TAOK3: variants seen among roughly 807,000 people sequenced by gnomAD.
TAOK3 encodes serine/threonine-protein kinase TAO3.
TAOK3 carries 40 observed loss-of-function variants against 120.4 expected under a neutral mutation model. The ratio of observed to expected loss-of-function variants is 0.33; its 90% confidence interval spans 0.26 to 0.43. The LOEUF (loss-of-function observed/expected upper bound fraction) is 0.43. TAOK3 is among the 20% of genes least tolerant of loss of function. The pLI is 1.00. For synonymous variants in TAOK3, 355 were observed against 387.5 expected (o/e 0.92, Z 0.99); for missense variants, 821 against 1,112.1 (o/e 0.74, Z 3.72).
intron 1 of TAOK3, among the ~76,000 whole-genome samples, chr12:118,323,977 G>A (rs1286933877): frequency 1.3e-5 from 2 of 152,118 alleles, no homozygotes; most frequent in Non-Finnish European, 2.9e-5. Flanking sequence ...AATGCTATAC[G>A]AAGGAAGTAC....
intron 14 of TAOK3, among the ~76,000 whole-genome samples, chr12:118,182,617 A>T (rs1300105767): frequency 1.2e-4 from 11 of 89,754 alleles, no homozygotes; most frequent in Admixed American, 4.7e-4. Flanking sequence ...ATATATATAT[A>T]TATATATTTT....
intron 1 of TAOK3, among the ~76,000 whole-genome samples, chr12:118,327,627 A>C (rs536433727): frequency 6.6e-6 from 1 of 152,322 alleles, no homozygotes. Flanking sequence ...CTCAAACTCA[A>C]GTTTCCTTTC....
At chr12:118,324,797 T>C (rs533805497) in intron 1 of TAOK3, among the ~76,000 whole-genome samples, 105 of 134,568 alleles carry the variant, frequency 7.8e-4, no homozygotes, top group African/African-American at 2.9e-3. Context: ...CAGGCTGGAG[T>C]GCAGTGGCGC....
At chr12:118,250,761 C>T (rs963699123) in intron 3 of TAOK3, among the ~76,000 whole-genome samples, 6 of 152,060 alleles carry the variant, frequency 3.9e-5, no homozygotes, top group East Asian at 1.9e-4. Context: ...CTGATATGTG[C>T]CACAAAGAAG....
At chr12:118,286,427 C>T (rs2042267600) in intron 1 of TAOK3, among the ~76,000 whole-genome samples, 1 of 151,916 alleles carries the variant, frequency 6.6e-6, no homozygotes, top group Non-Finnish European at 1.5e-5. Context: ...CATGAATAGA[C>T]AATTCTCAAA....
At chr12:118,177,362 T>A in intron 15 of TAOK3, 33 bp from the exon 16 acceptor site, 1 of 1,607,974 alleles carries the variant, frequency 6.2e-7, no homozygotes, top group Non-Finnish European at 8.5e-7. Context: ...GTAGGATGAA[T>A]CTATTCTTTA....
chr12:118,358,433 G>A (rs2045479802), intron 1 of TAOK3, among the ~76,000 whole-genome samples: 1 of 152,140 alleles, frequency 6.6e-6, no homozygotes, highest in Admixed American at 6.5e-5. Flanking sequence ...TGTGAATGAA[G>A]AAAAATAGGA....
chr12:118,347,906 T>G (rs1022707213), intron 1 of TAOK3, among the ~76,000 whole-genome samples: 2 of 152,224 alleles, frequency 1.3e-5, no homozygotes, highest in Non-Finnish European at 1.5e-5. Flanking sequence ...CTACAAACTA[T>G]TGATAGAGTA....
At chr12:118,254,036 C>T (rs1420973235) in intron 3 of TAOK3, among the ~76,000 whole-genome samples, 2 of 152,356 alleles carry the variant, frequency 1.3e-5, no homozygotes, top group African/African-American at 2.4e-5. Flanking sequence ...GCCTGGGCTA[C>T]AGAGCGAGGC....
intron 13 of TAOK3, among the ~76,000 whole-genome samples, chr12:118,195,323 T>G (rs756583544): frequency 6.6e-6 from 1 of 152,158 alleles, no homozygotes; most frequent in Non-Finnish European, 1.5e-5. Flanking sequence ...ACCTTTTGAT[T>G]AACAAATTTA....
chr12:118,355,231 G>C (rs570398153), intron 1 of TAOK3, among the ~76,000 whole-genome samples: 16 of 152,204 alleles, frequency 1.1e-4, no homozygotes, highest in African/African-American at 3.9e-4. Flanking sequence ...ATGTTCTATT[G>C]TCACCAAAAC....
At chr12:118,330,091 G>C (rs1001677728) in intron 1 of TAOK3, among the ~76,000 whole-genome samples, 4 of 152,124 alleles carry the variant, frequency 2.6e-5, no homozygotes, top group Admixed American at 6.5e-5. Context: ...AATAATGACA[G>C]AAGTCCTAAA....
At chr12:118,216,286 TCTGGCCAGGTATTTC>T (rs2038897882) in intron 9 of TAOK3, among the ~76,000 whole-genome samples, 1 of 152,128 alleles carries the variant, frequency 6.6e-6, no homozygotes, top group African/African-American at 2.4e-5. Context: ...ATGCACTGTA[TCTGGCCAGGTATTTC>T]CTGGTAGAGG....
intron 5 of TAOK3, among the ~76,000 whole-genome samples, chr12:118,242,843 A>C (rs1390717457): frequency 6.6e-6 from 1 of 151,588 alleles, no homozygotes; most frequent in Non-Finnish European, 1.5e-5. Flanking sequence ...CTGGGCAACA[A>C]GAGTGAATCT....
Position 118,352,713 on chromosome 12 carries a change from A to C in TAOK3, c.-194+19935T>G, listed in dbSNP as rs572350698. Among the ~76,000 whole-genome samples the C allele has an allele frequency of 1.2e-3, 175 of 151,956 alleles. 1 individual carries two copies. Among genetic ancestry groups the C allele is most frequent in the African/African-American group, 4.1e-3 (170 of 41,502 alleles). On this transcript the variant is annotated intron_variant, in intron 1 of 20. Coordinates refer to ENST00000392533, the MANE Select transcript of TAOK3 (RefSeq NM_016281.4). ...CTGTATTACCAGGGTTACTGATCTT[A>C]TCTTATTTATTTTTTGAGACAGAGT...
chr12:118,166,827 T>TACACAC, intron 17 of TAOK3, among the ~76,000 whole-genome samples: 1 of 146,726 alleles, frequency 6.8e-6, no homozygotes, highest in African/African-American at 2.5e-5. Flanking sequence ...TATATATATA[T>TACACAC]ACACACACAC....
intron 3 of TAOK3, among the ~76,000 whole-genome samples, chr12:118,251,718 T>C (rs2040760806): frequency 6.6e-6 from 1 of 152,214 alleles, no homozygotes; most frequent in Non-Finnish European, 1.5e-5. Context: ...TAGTACAACG[T>C]AGGTCTCATT....
intron 1 of TAOK3, among the ~76,000 whole-genome samples, chr12:118,355,599 C>T (rs559405403): frequency 1.3e-5 from 2 of 152,236 alleles, no homozygotes; most frequent in Admixed American, 1.3e-4. Context: ...TCCCTGTGTT[C>T]CCTGGTACTT....
intron 17 of TAOK3, among the ~76,000 whole-genome samples, chr12:118,167,708 C>A (rs2035695522): frequency 6.6e-6 from 1 of 150,704 alleles, no homozygotes; most frequent in Non-Finnish European, 1.5e-5. Flanking sequence ...ATGACTCCCC[C>A]TTATCTGGAA....
Sources: gnomAD v4.1 joint callset for allele counts (sites outside exome capture counted in the v4.1 genomes callset) on GRCh38, gnomAD v4.1.1 for gene constraint, MANE v1.5 for transcripts, NCBI Gene and HGNC (gene_info 2026-07-23, HGNC 2026-07-21) for gene names.